Variants in BMPR1A observed in about 807,000 individuals in gnomAD.
BMPR1A encodes bone morphogenetic protein receptor type 1A.
In BMPR1A, 7 loss-of-function variants were observed where a neutral mutation model predicts 66.0. The observed-to-expected ratio is 0.11, with a 90% confidence interval of 0.06 to 0.20. The LOEUF (loss-of-function observed/expected upper bound fraction) is 0.20. BMPR1A is among the 10% of genes least tolerant of loss of function. The pLI is 1.00. For synonymous variants in BMPR1A, 200 were observed against 229.7 expected, an observed-to-expected ratio of 0.87 and a Z score of 1.17; for missense variants, 408 against 669.1, an observed-to-expected ratio of 0.61 and a Z score of 4.31.
intron 1 of BMPR1A, among the ~76,000 whole-genome samples, chr10:86,793,432 C>T (rs1297667204): frequency 2.0e-5 from 3 of 150,250 alleles, no homozygotes; most frequent in African/African-American, 7.4e-5. Context: ...GGCGTGATCT[C>T]GGCTCTCTGC....
chr10:86,895,006 C>A (rs1403453475), intron 5 of BMPR1A, among the ~76,000 whole-genome samples: 6 of 152,202 alleles, frequency 3.9e-5, no homozygotes, highest in African/African-American at 1.4e-4. Context: ...TCATAGTCAA[C>A]CCCTCCTAGT....
intron 1 of BMPR1A, among the ~76,000 whole-genome samples, chr10:86,799,469 T>C (rs75679130): frequency 0.016 from 1,913 of 120,982 alleles, 57 homozygotes; most frequent in African/African-American, 0.052. Flanking sequence ...TTCCTTCCTT[T>C]CTTCCTTCCT....
At chr10:86,759,720 T>C (rs1219639615) in intron 1 of BMPR1A, among the ~76,000 whole-genome samples, 1 of 152,160 alleles carries the variant, frequency 6.6e-6, no homozygotes, top group African/African-American at 2.4e-5. Context: ...TCTTTTTCTC[T>C]TTTTCAGGAT....
At chr10:86,826,724 ATTTGT>A (rs1842201148) in intron 1 of BMPR1A, among the ~76,000 whole-genome samples, 1 of 151,880 alleles carries the variant, frequency 6.6e-6, no homozygotes, top group Non-Finnish European at 1.5e-5. Context: ...ATAGTTTAGT[ATTTGT>A]TTTAATATAC....
chr10:86,771,008 G>A (rs1388246649), intron 1 of BMPR1A, among the ~76,000 whole-genome samples: 1 of 152,124 alleles, frequency 6.6e-6, no homozygotes, highest in Non-Finnish European at 1.5e-5. Flanking sequence ...GGCTGTCACA[G>A]TACTATAGAT....
At chr10:86,758,522 A>G (rs1421600314) in intron 1 of BMPR1A, among the ~76,000 whole-genome samples, 1 of 152,152 alleles carries the variant, frequency 6.6e-6, no homozygotes, top group Non-Finnish European at 1.5e-5. Flanking sequence ...TCAGTTTACA[A>G]AAACCTTTTC....
At chr10:86,919,074 CAT>C in intron 9 of BMPR1A, 96 bp from the exon 10 acceptor site, 1 of 1,373,126 alleles carries the variant, frequency 7.3e-7, no homozygotes, top group Non-Finnish European at 1.0e-6. Context: ...ACTATCTGCA[CAT>C]GATACCTAAG....
intron 2 of BMPR1A, among the ~76,000 whole-genome samples, chr10:86,867,110 A>G (rs1028340292): frequency 1.3e-5 from 2 of 152,172 alleles, no homozygotes; most frequent in African/African-American, 4.8e-5. Context: ...CTTTACCACC[A>G]CATTAAACTG....
chr10:86,789,504 G>A (rs1841568457), intron 1 of BMPR1A, among the ~76,000 whole-genome samples: 1 of 152,084 alleles, frequency 6.6e-6, no homozygotes, highest in Non-Finnish European at 1.5e-5. Context: ...CTTGAGGTCA[G>A]GAGTTCGAGA....
At chr10:86,808,287 T>G (rs1324440730) in intron 1 of BMPR1A, among the ~76,000 whole-genome samples, 1 of 152,202 alleles carries the variant, frequency 6.6e-6, no homozygotes, top group Non-Finnish European at 1.5e-5. Flanking sequence ...ACTAGCTATT[T>G]GTGTCATCTT....
chr10:86,846,546 C>G (rs1408071705), intron 2 of BMPR1A, among the ~76,000 whole-genome samples: 2 of 152,028 alleles, frequency 1.3e-5, no homozygotes, highest in African/African-American at 4.8e-5. Context: ...CCTTTTAATA[C>G]AAAAATTAGC....
At chr10:86,880,620 T>G (rs1426855461) in intron 3 of BMPR1A, among the ~76,000 whole-genome samples, 1 of 152,200 alleles carries the variant, frequency 6.6e-6, no homozygotes, top group African/African-American at 2.4e-5. Context: ...CAAAGCTGCT[T>G]TCTTAGCCAT....
intron 1 of BMPR1A, among the ~76,000 whole-genome samples, chr10:86,795,878 A>G (rs1005683769): frequency 9.2e-5 from 14 of 152,188 alleles, no homozygotes; most frequent in African/African-American, 3.4e-4. Context: ...TTAAACATCA[A>G]TTTATCTCAA....
At position 86,925,852 on chromosome 10, in the gene BMPR1A, C is replaced by T. The variant is rs1046498523; in HGVS notation, c.*2133C>T. On this transcript the variant is annotated 3_prime_UTR_variant, in exon 13 of 13. Transcript: ENST00000372037. Reference sequence around the variant, plus strand: ...ACGCCATTCTCCTGCCTCAGCCTCCCGAGTAGCTGGGACTACAGGCGCCCG... The same window carrying T: ...ACGCCATTCTCCTGCCTCAGCCTCCTGAGTAGCTGGGACTACAGGCGCCCG... 6.2e-5 allele frequency: 10 copies of T among 162,240 alleles called. No individual in the cohort carries two copies. The highest frequency in any genetic ancestry group is 1.9e-4 in the Admixed American group (3 of 15,440). 10.1% of individuals were successfully genotyped at this position (162,240 alleles called of 1,614,324 possible).
At chr10:86,899,728 T>C (rs933822105) in intron 5 of BMPR1A, 66 bp from the exon 6 acceptor site, 12 of 1,473,206 alleles carry the variant, frequency 8.1e-6, no homozygotes, top group Admixed American at 3.4e-5. Context: ...ATTTTATGAA[T>C]ACTAAAAAGA....
At chr10:86,767,684 CA>C (rs1841189496) in intron 1 of BMPR1A, among the ~76,000 whole-genome samples, 2 of 152,216 alleles carry the variant, frequency 1.3e-5, no homozygotes. Flanking sequence ...CTCAAACAAA[CA>C]AAACATATAT....
At chr10:86,788,849 C>G (rs931090236) in intron 1 of BMPR1A, among the ~76,000 whole-genome samples, 19 of 152,238 alleles carry the variant, frequency 1.2e-4, no homozygotes, top group Middle Eastern at 3.4e-3. Context: ...TTAGGCGATT[C>G]ACCCACCTCA....
intron 2 of BMPR1A, among the ~76,000 whole-genome samples, chr10:86,869,617 C>T (rs1371665674): frequency 1.2e-4 from 19 of 152,006 alleles, no homozygotes; most frequent in Admixed American, 1.2e-3. Flanking sequence ...ATTAGCTGGG[C>T]GTGATGGCGC....
At chr10:86,908,394 T>C (rs763397779) in intron 7 of BMPR1A, among the ~76,000 whole-genome samples, 4 of 152,138 alleles carry the variant, frequency 2.6e-5, no homozygotes, top group African/African-American at 4.8e-5. Flanking sequence ...CTCCTGAAAA[T>C]GGGCATACCT....
Sources: allele counts gnomAD v4.1 joint callset (sites outside exome capture counted in the v4.1 genomes callset), GRCh38; gene constraint gnomAD v4.1.1; transcripts MANE v1.5; gene names NCBI Gene and HGNC (gene_info 2026-07-23, HGNC 2026-07-21).